Variants in RP1 observed in about 807,000 individuals in gnomAD.
The protein encoded by RP1 is oxygen-regulated protein 1.
In RP1, 16 loss-of-function variants were observed where a neutral mutation model predicts 14.8. That is an observed-to-expected ratio of 1.08 (90% CI 0.73 to 1.65). The LOEUF is 1.65. RP1 is among the 40% of genes most tolerant of loss of function. The probability of loss-of-function intolerance (pLI) is 0.00; values close to 1 mark genes in which losing one functional copy is unlikely to be tolerated. For synonymous variants in RP1, 876 were observed against 883.6 expected (o/e 0.99, Z 0.15); for missense variants, 2,631 against 2,535.0 (o/e 1.04, Z -0.81).
intron 24 of RP1, among the ~76,000 whole-genome samples, chr8:54,835,933 A>G (rs1811645509): frequency 6.6e-6 from 1 of 152,060 alleles, no homozygotes; most frequent in Admixed American, 6.6e-5. Context: ...CAATGTTAAC[A>G]TTTTTTCTAC....
At chr8:54,663,109 C>A (rs1417800325) in intron 6 of RP1, among the ~76,000 whole-genome samples, 2 of 152,188 alleles carry the variant, frequency 1.3e-5, no homozygotes, top group Non-Finnish European at 2.9e-5. Context: ...CCTGCTCCAT[C>A]CTGCCCTGAT....
At chr8:54,676,881 G>A (rs767651293) in intron 8 of RP1, among the ~76,000 whole-genome samples, 6 of 152,010 alleles carry the variant, frequency 3.9e-5, no homozygotes, top group Non-Finnish European at 7.4e-5. Flanking sequence ...TTTCCTTAAA[G>A]GAGACAAGTA....
chr8:54,832,534 G>A (rs1247516135), intron 24 of RP1, among the ~76,000 whole-genome samples: 1 of 151,518 alleles, frequency 6.6e-6, no homozygotes, highest in East Asian at 1.9e-4. Flanking sequence ...CTCTTTTCCT[G>A]TAGATTATAT....
At chr8:54,573,024 GT>G (rs1182787532) in intron 1 of RP1, among the ~76,000 whole-genome samples, 1 of 152,106 alleles carries the variant, frequency 6.6e-6, no homozygotes, top group African/African-American at 2.4e-5. Context: ...TAATAATAGT[GT>G]CTTGACTATA....
At chr8:54,783,788 T>C (rs2129380915) in intron 24 of RP1, 2 of 1,016,242 alleles carry the variant, frequency 2.0e-6, no homozygotes, top group Non-Finnish European at 2.5e-6. Flanking sequence ...GGAGTGTAAT[T>C]TTTTGTTGTT....
At chr8:54,585,402 C>T (rs1011393943) in intron 1 of RP1, among the ~76,000 whole-genome samples, 1 of 152,146 alleles carries the variant, frequency 6.6e-6, no homozygotes, top group African/African-American at 2.4e-5. Context: ...GTGGGTGACC[C>T]GACCTTTCTC....
intron 12 of RP1, among the ~76,000 whole-genome samples, chr8:54,680,785 C>T (rs934335623): frequency 5.3e-5 from 8 of 151,738 alleles, no homozygotes; most frequent in Non-Finnish European, 8.8e-5. Flanking sequence ...GGTGAAACCC[C>T]GTCTCTACTA....
chr8:54,755,780 T>A lies in RP1; in HGVS notation c.3093+10T>A, dbSNP rs1462837709. On this transcript the variant is annotated intron_variant, in intron 21 of 22. Transcript: ENST00000636932. ...ATTTCAAAGAGGACAGGTGAGTCTA[T>A]ACAAATAATTTCCCAGATTCTTAAC... The A allele has an allele frequency of 2.8e-6, 4 of 1,451,958 alleles. No homozygotes were observed. In the East Asian group the frequency reaches 1.0e-4, roughly 38 times the overall value. The allele number at this position is 1,451,958 out of a possible 1,614,324, so 89.9% of individuals were successfully genotyped here. A position where few individuals can be genotyped will look rare whatever the true frequency, so the allele number is the denominator to read the frequency against.
At position 54,844,475 on chromosome 8, in the gene RP1, T is replaced by A. The variant is rs372425988; in HGVS notation, c.3835+6806T>A. On this transcript the variant is annotated intron_variant, in intron 25 of 28. Coordinates refer to the RP1 transcript ENST00000637698. ...GCCCCTAATAAAGGTTGTGGAGTCCTCTGTGTGTGCGTGTGTAGACATGCT... is the reference window on the plus strand; with the variant it reads ...GCCCCTAATAAAGGTTGTGGAGTCCACTGTGTGTGCGTGTGTAGACATGCT... Among the ~76,000 whole-genome samples, 12 of 152,258 alleles carry A rather than the reference T, an allele frequency of 7.9e-5. No homozygotes were observed. In the South Asian group the frequency reaches 2.5e-3, roughly 32 times the overall value.
chr8:54,810,459 G>A (rs891045011), intron 24 of RP1, among the ~76,000 whole-genome samples: 2 of 152,132 alleles, frequency 1.3e-5, no homozygotes, highest in Non-Finnish European at 2.9e-5. Context: ...GATTGTCAAA[G>A]TGCTGTTCCC....
At position 54,625,366 on chromosome 8, in the gene RP1, A is replaced by G; in HGVS notation, c.1484A>G (p.Lys495Arg). 6.2e-7 allele frequency: 1 copy of G among 1,614,132 alleles called. No individual in the cohort carries two copies. The highest frequency in any genetic ancestry group is 1.3e-5 in the African/African-American group (1 of 75,062). ...YSEERESGEN[K>R]SEYHMFTHSC... The stretch of plus-strand genomic sequence containing the variant: ...GAAGAAAGGGAAAGTGGGGAAAACA[A>G]GTCTGAGTATCACATGTTTACACAT... Residue 495 changes from lysine to arginine, a missense_variant, in exon 4 of 4, where the codon AAG (lysine) becomes AGG (arginine). Lys to Arg is a conservative substitution (Grantham distance 26). Transcript: ENST00000220676.
At chr8:54,742,392 A>G (rs1182029714) in intron 19 of RP1, among the ~76,000 whole-genome samples, 1 of 152,168 alleles carries the variant, frequency 6.6e-6, no homozygotes, top group African/African-American at 2.4e-5. Flanking sequence ...CTTTGGTTGT[A>G]TAATAAAAGT....
chr8:54,668,507 C>A lies in RP1; in HGVS notation c.1323+4657C>A, dbSNP rs1807069745. ...ATCAAGCTACTAATGACTTTCTTCA[C>A]AGAAATGGAAAATACTACCTTCAAG... On this transcript the variant is annotated intron_variant, in intron 7 of 22. Coordinates refer to the RP1 transcript ENST00000636932. Among the ~76,000 whole-genome samples the A allele has an allele frequency of 2.0e-5, 3 of 152,116 alleles. No homozygotes were observed. In the South Asian group the frequency reaches 6.2e-4, roughly 32 times the overall value.
At chr8:54,668,859 C>T (rs1182601692) in intron 7 of RP1, among the ~76,000 whole-genome samples, 1 of 152,104 alleles carries the variant, frequency 6.6e-6, no homozygotes, top group Non-Finnish European at 1.5e-5. Context: ...CTTCCTTACA[C>T]CTTATACAAA....
At chr8:54,581,454 C>A (rs976621007) in intron 1 of RP1, among the ~76,000 whole-genome samples, 1 of 146,050 alleles carries the variant, frequency 6.8e-6, no homozygotes, top group African/African-American at 2.5e-5. Flanking sequence ...TGAATAGTGC[C>A]GCAATAAACA....
In RP1 at chr8:54,627,336, A is replaced by C. The variant is rs746097358; in HGVS notation, c.3454A>C (p.Lys1152Gln). ...TAGCTTCTGTCAAGTTGATGCTCAC[A>C]AGGCTACCAACAAATCTTCAGAAAC... is the stretch of plus-strand genomic sequence containing the variant. ...MNSFCQVDAH[K>Q]ATNKSSETLA... Residue 1152 changes from lysine (K) to glutamine (Q), a missense_variant, in exon 4 of 4, where the codon AAG becomes CAG. By Grantham distance (53) the Lys-to-Gln change is moderately conservative (BLOSUM62 1). Coordinates refer to ENST00000220676, the MANE Select transcript of RP1 (RefSeq NM_006269.2). 1.9e-6 allele frequency: 3 copies of C among 1,614,152 alleles called. No homozygotes were observed. The highest frequency in any genetic ancestry group is 3.3e-5 in the Admixed American group (2 of 60,022).
intron 17 of RP1, chr8:54,734,489 A>T: frequency 1.4e-6 from 2 of 1,457,742 alleles, no homozygotes; most frequent in South Asian, 1.4e-5. Flanking sequence ...GTGACAAAGG[A>T]TTCTGTCAGC....
chr8:54,626,252 T>TA lies in RP1; in HGVS notation c.2377dup (p.Arg793LysfsTer8), dbSNP rs1385743027. 1.9e-6 allele frequency: 3 copies of TA among 1,613,070 alleles called. No homozygotes were observed. In the African/African-American group the frequency reaches 4.0e-5, roughly 22 times the overall value. On this transcript the variant is annotated frameshift_variant, in exon 4 of 4. Coordinates refer to ENST00000220676, the MANE Select transcript of RP1 (RefSeq NM_006269.2). LOFTEE classifies it low-confidence loss of function (END_TRUNC). ...TAAATAAAATAAGCTTAGGAGCACC[T>TA]AAAAAAAGAGAAATCGGTCAAAGAG...
intron 27 of RP1, among the ~76,000 whole-genome samples, chr8:54,860,997 G>A (rs1304178084): frequency 6.6e-6 from 1 of 152,172 alleles, no homozygotes; most frequent in Non-Finnish European, 1.5e-5. Flanking sequence ...TTGAAACTCA[G>A]TTAAGGAACC....
Sources: allele counts gnomAD v4.1 joint callset (sites outside exome capture counted in the v4.1 genomes callset), GRCh38; gene constraint gnomAD v4.1.1; transcripts MANE v1.5; gene names NCBI Gene and HGNC (gene_info 2026-07-23, HGNC 2026-07-21).